Variants in ROBO2 observed in about 807,000 individuals in gnomAD.
ROBO2 encodes the protein roundabout guidance receptor 2.
A neutral mutation model predicts 160.8 loss-of-function variants in ROBO2; 53 were observed. The ratio of observed to expected loss-of-function variants is 0.33; its 90% confidence interval spans 0.26 to 0.41. ROBO2 has a LOEUF of 0.41. ROBO2 is among the 10% of genes least tolerant of loss of function. ROBO2 has a pLI of 1.00. For synonymous variants in ROBO2, 664 were observed against 611.7 expected (o/e 1.09, Z -1.26); for missense variants, 1,577 against 1,722.4 (o/e 0.92, Z 1.49).
At chr3:76,591,635 TCTTTGAGAACCAAG>T (rs1014740603) in intron 2 of ROBO2, among the ~76,000 whole-genome samples, 2 of 152,258 alleles carry the variant, frequency 1.3e-5, no homozygotes, top group Admixed American at 6.5e-5. Context: ...GTCTTTCTTT[TCTTTGAGAACCAAG>T]CTATTAATTT....
At chr3:77,299,482 G>T (rs1405940903) in intron 2 of ROBO2, among the ~76,000 whole-genome samples, 2 of 152,180 alleles carry the variant, frequency 1.3e-5, no homozygotes, top group African/African-American at 2.4e-5. Context: ...AATCGTGATG[G>T]AAGGAGAAGC....
intron 2 of ROBO2, among the ~76,000 whole-genome samples, chr3:76,296,172 T>G (rs1709064554): frequency 6.6e-6 from 1 of 151,968 alleles, no homozygotes; most frequent in African/African-American, 2.4e-5. Context: ...AGGGAGAAAG[T>G]GGAGTAATGT....
intron 2 of ROBO2, among the ~76,000 whole-genome samples, chr3:75,978,630 T>C (rs554823910): frequency 3.4e-4 from 51 of 151,726 alleles, no homozygotes; most frequent in African/African-American, 1.2e-3. Flanking sequence ...TTAATTGATA[T>C]CAGTCCTTAA....
intron 2 of ROBO2, among the ~76,000 whole-genome samples, chr3:76,503,154 G>A (rs1225167993): frequency 6.6e-6 from 1 of 152,140 alleles, no homozygotes; most frequent in African/African-American, 2.4e-5. Context: ...GAAGAACCTG[G>A]AGTTCAATAT....
intron 2 of ROBO2, among the ~76,000 whole-genome samples, chr3:76,663,524 T>A (rs1364967568): frequency 6.6e-6 from 1 of 152,194 alleles, no homozygotes; most frequent in South Asian, 2.1e-4. Context: ...TCTGTTGTGC[T>A]CCTGCCTTTA....
chr3:77,582,528 A>G (rs1185215520), intron 16 of ROBO2, among the ~76,000 whole-genome samples: 1 of 151,872 alleles, frequency 6.6e-6, no homozygotes, highest in Non-Finnish European at 1.5e-5. Context: ...CTATCTTCCA[A>G]ATTTCCTGCT....
chr3:76,432,735 T>C (rs1351182883), intron 2 of ROBO2, among the ~76,000 whole-genome samples: 9 of 152,060 alleles, frequency 5.9e-5, no homozygotes, highest in African/African-American at 2.2e-4. Flanking sequence ...ATTCTACTGG[T>C]CAAATCAAAC....
chr3:76,056,056 T>C (rs948946391), intron 2 of ROBO2, among the ~76,000 whole-genome samples: 6 of 152,302 alleles, frequency 3.9e-5, no homozygotes, highest in African/African-American at 1.4e-4. Context: ...CAAGTGCTGA[T>C]TGAAAATAGT....
chr3:77,532,877 T>C (rs1318593447), intron 6 of ROBO2, among the ~76,000 whole-genome samples: 2 of 152,056 alleles, frequency 1.3e-5, no homozygotes, highest in Non-Finnish European at 2.9e-5. Flanking sequence ...TTGTTTTAAA[T>C]TGTTTCTGTG....
At chr3:77,205,814 T>C (rs2083379421) in intron 2 of ROBO2, among the ~76,000 whole-genome samples, 1 of 152,120 alleles carries the variant, frequency 6.6e-6, no homozygotes, top group East Asian at 1.9e-4. Context: ...AATATTGAAA[T>C]ATATAGAAAG....
At position 77,596,833 on chromosome 3, in the gene ROBO2, A is replaced by G. The variant is rs775718; in HGVS notation, c.2854+83A>G. The G allele has an allele frequency of 0.58, 882,822 of 1,513,684 alleles. 258,785 individuals carry two copies. The highest frequency in any genetic ancestry group is 0.65 in the Middle Eastern group (3,284 of 5,040). 93.8% of individuals were successfully genotyped at this position (1,513,684 alleles called of 1,614,324 possible). A position where few individuals can be genotyped will look rare whatever the true frequency, so the allele number is the denominator to read the frequency against. Reference sequence around the variant, plus strand: ...TGACCTTCCTGGATTTTTTTAAAGAAACATATCAGAGAGTATTTACTCCCA... The same window carrying G: ...TGACCTTCCTGGATTTTTTTAAAGAGACATATCAGAGAGTATTTACTCCCA... On this transcript the variant is annotated intron_variant, in intron 19 of 25. Coordinates refer to ENST00000461745, the Ensembl canonical transcript of ROBO2.
intron 2 of ROBO2, among the ~76,000 whole-genome samples, chr3:76,030,376 T>A (rs1020842861): frequency 1.3e-5 from 2 of 152,210 alleles, no homozygotes; most frequent in South Asian, 4.1e-4. Flanking sequence ...TTTAATTAGA[T>A]CCCATTCATC....
chr3:77,419,036 G>A (rs1363195237), intron 2 of ROBO2, among the ~76,000 whole-genome samples: 3 of 152,062 alleles, frequency 2.0e-5, no homozygotes, highest in African/African-American at 7.2e-5. Context: ...ATCAAGGTTT[G>A]GTTCTTTCTG....
intron 2 of ROBO2, among the ~76,000 whole-genome samples, chr3:77,281,987 T>C (rs2060272086): frequency 6.6e-6 from 1 of 152,078 alleles, no homozygotes; most frequent in Non-Finnish European, 1.5e-5. Context: ...CCAGTATGAG[T>C]CCCTGGCCCC....
At chr3:76,627,013 C>G (rs1459852771) in intron 2 of ROBO2, among the ~76,000 whole-genome samples, 1 of 152,096 alleles carries the variant, frequency 6.6e-6, no homozygotes, top group Non-Finnish European at 1.5e-5. Flanking sequence ...TCTTAAGGGA[C>G]AATCTAATAT....
At chr3:76,551,713 T>C (rs945129428) in intron 2 of ROBO2, among the ~76,000 whole-genome samples, 4 of 152,084 alleles carry the variant, frequency 2.6e-5, no homozygotes, top group Non-Finnish European at 5.9e-5. Flanking sequence ...ACCACCATGT[T>C]CCCCTTGTCC....
At chr3:76,180,441 C>T (rs1701451231) in intron 2 of ROBO2, among the ~76,000 whole-genome samples, 1 of 152,094 alleles carries the variant, frequency 6.6e-6, no homozygotes, top group African/African-American at 2.4e-5. Flanking sequence ...TCTTCACTCA[C>T]CCCAAATTTG....
At chr3:77,578,671 C>T (rs969583905) in intron 15 of ROBO2, among the ~76,000 whole-genome samples, 10 of 152,016 alleles carry the variant, frequency 6.6e-5, no homozygotes, top group African/African-American at 2.4e-4. Context: ...GCTTAAGAAA[C>T]ATAAGAATAA....
chr3:77,085,857 C>T (rs1364317691), intron 1 of ROBO2, among the ~76,000 whole-genome samples: 1 of 151,946 alleles, frequency 6.6e-6, no homozygotes, highest in African/African-American at 2.4e-5. Flanking sequence ...TTGTTTTGAC[C>T]ATCTCTTGAA....
Sources: allele counts gnomAD v4.1 joint callset (sites outside exome capture counted in the v4.1 genomes callset), GRCh38; gene constraint gnomAD v4.1.1; transcripts MANE v1.5; gene names NCBI Gene and HGNC (gene_info 2026-07-23, HGNC 2026-07-21).